Variants in RIMS1 observed in about 807,000 individuals in gnomAD.
The protein encoded by RIMS1 is regulating synaptic membrane exocytosis 1.
Under a neutral mutation model 214.1 loss-of-function variants are expected in RIMS1, and 83 were observed. That is an observed-to-expected ratio of 0.39 (90% CI 0.32 to 0.47). The LOEUF (loss-of-function observed/expected upper bound fraction) is 0.47, where lower values mean the gene tolerates loss of function less well. Ranked by LOEUF, RIMS1 falls within the 20% of genes least tolerant of loss-of-function variation. The probability of loss-of-function intolerance (pLI) is 0.99; values close to 1 mark genes in which losing one functional copy is unlikely to be tolerated. For missense variants in RIMS1, 2,050 were observed against 2,161.8 expected (o/e 0.95, Z 1.03); for synonymous variants, 793 against 786.8 (o/e 1.01, Z -0.13).
intron 12 of RIMS1, among the ~76,000 whole-genome samples, 171 bp from the exon 13 acceptor site, chr6:72,250,159 T>G (rs1314343926): frequency 2.6e-5 from 4 of 152,198 alleles, no homozygotes; most frequent in Non-Finnish European, 5.9e-5. Context: ...AAGAGAAAAG[T>G]AAAGTTCTGT....
At chr6:72,347,025 G>A (rs1389761080) in intron 29 of RIMS1, among the ~76,000 whole-genome samples, 1 of 151,768 alleles carries the variant, frequency 6.6e-6, no homozygotes, top group Non-Finnish European at 1.5e-5. Context: ...TCAGAGTCAG[G>A]AGTTAATTTA....
chr6:72,263,283 CGTGT>C, intron 19 of RIMS1: 1 of 985,002 alleles, frequency 1.0e-6, no homozygotes, highest in Non-Finnish European at 1.2e-6. Context: ...TTTAGTAAAA[CGTGT>C]CTCGAGGAAG....
intron 2 of RIMS1, among the ~76,000 whole-genome samples, chr6:72,094,517 A>C (rs1452013442): frequency 6.6e-6 from 1 of 152,216 alleles, no homozygotes; most frequent in East Asian, 1.9e-4. Context: ...CTTAGCATAA[A>C]GCACGTACTA....
intron 28 of RIMS1, among the ~76,000 whole-genome samples, chr6:72,327,633 CA>C (rs1172898725): frequency 6.6e-5 from 10 of 151,768 alleles, no homozygotes; most frequent in Admixed American, 5.3e-4. Flanking sequence ...TCCCCATCAG[CA>C]ATGTTGACGG....
chr6:72,400,471 A>G, intron 33 of RIMS1, 25 bp from the exon 34 acceptor site: 1 of 1,589,786 alleles, frequency 6.3e-7, no homozygotes, highest in Admixed American at 1.7e-5. Flanking sequence ...AGTCCAGGTA[A>G]TGTTGCATTT....
intron 29 of RIMS1, among the ~76,000 whole-genome samples, chr6:72,369,870 AG>A (rs2098161288): frequency 6.6e-6 from 1 of 152,210 alleles, no homozygotes; most frequent in Non-Finnish European, 1.5e-5. Flanking sequence ...AACTCATGAA[AG>A]CTATGGAGAT....
intron 1 of RIMS1, among the ~76,000 whole-genome samples, chr6:71,924,630 C>CAAAAAAAAAA (rs1250868988): frequency 2.6e-5 from 2 of 76,230 alleles, no homozygotes; most frequent in African/African-American, 1.1e-4. Context: ...CCCATCTCTG[C>CAAAAAAAAAA]AAAAAAAAAA....
intron 6 of RIMS1, among the ~76,000 whole-genome samples, chr6:72,223,448 C>A (rs2059163890): frequency 6.6e-6 from 1 of 151,990 alleles, no homozygotes; most frequent in Admixed American, 6.6e-5. Context: ...ATGTTAATAT[C>A]ATTTTAAAGC....
intron 1 of RIMS1, among the ~76,000 whole-genome samples, chr6:71,904,961 A>G (rs1176532535): frequency 6.6e-6 from 1 of 152,138 alleles, no homozygotes; most frequent in Non-Finnish European, 1.5e-5. Context: ...ATTTCATTTC[A>G]CTAATTTTTT....
At chr6:72,261,493 TA>T in intron 19 of RIMS1, 37 of 950,372 alleles carry the variant, frequency 3.9e-5, no homozygotes, top group Non-Finnish European at 4.4e-5. Flanking sequence ...CATATCCAAG[TA>T]AAACTTCTTA....
At chr6:72,264,923 G>T in intron 19 of RIMS1, 52 bp from the exon 20 acceptor site, 1 of 1,092,178 alleles carries the variant, frequency 9.2e-7, no homozygotes, top group Non-Finnish European at 1.4e-6. Flanking sequence ...TAATAAAATT[G>T]GTTTCATATA....
rs1283094991 is a variant in RIMS1 at position 72,131,052 on chromosome 6, A to G, written c.471+31066A>G. On this transcript the variant is annotated intron_variant, in intron 4 of 33. Coordinates refer to ENST00000521978, the MANE Select transcript of RIMS1 (RefSeq NM_014989.7). ...TTTCCCAGGCATTGATTAATTTCCTATGGTGTTCTTAATATATCTTTTTGA... is the reference window on the plus strand; with the variant it reads ...TTTCCCAGGCATTGATTAATTTCCTGTGGTGTTCTTAATATATCTTTTTGA... Among the ~76,000 whole-genome samples, 4 of 152,310 alleles carry G rather than the reference A, an allele frequency of 2.6e-5. 1 individual carries two copies. In the South Asian group the frequency reaches 6.2e-4, roughly 24 times the overall value.
At chr6:72,272,955 TTAAA>T (rs1220251191) in intron 22 of RIMS1, among the ~76,000 whole-genome samples, 4 of 152,166 alleles carry the variant, frequency 2.6e-5, no homozygotes, top group African/African-American at 4.8e-5. Context: ...TTTTTAAAAA[TTAAA>T]TAAAGTTAAT....
intron 2 of RIMS1, among the ~76,000 whole-genome samples, chr6:71,998,412 T>A (rs887745358): frequency 1.3e-5 from 2 of 152,144 alleles, no homozygotes; most frequent in African/African-American, 2.4e-5. Flanking sequence ...TGCTGTGCTA[T>A]TATTCCTTAT....
intron 2 of RIMS1, among the ~76,000 whole-genome samples, chr6:72,022,143 T>C (rs1189836437): frequency 6.6e-6 from 1 of 152,156 alleles, no homozygotes; most frequent in East Asian, 1.9e-4. Context: ...AATAAAATGA[T>C]AATATTAGTG....
At chr6:72,009,327 G>A (rs142270779) in intron 2 of RIMS1, among the ~76,000 whole-genome samples, 17,233 of 152,216 alleles carry the variant, frequency 0.11, 1,182 homozygotes, top group South Asian at 0.18. Context: ...TTAAAGCAGT[G>A]TGTAGAGGGA....
intron 27 of RIMS1, among the ~76,000 whole-genome samples, chr6:72,311,862 T>C (rs2095529416): frequency 1.3e-5 from 2 of 152,064 alleles, no homozygotes; most frequent in African/African-American, 2.4e-5. Context: ...TCCCAGCTAC[T>C]TGGGAGGCTG....
intron 6 of RIMS1, among the ~76,000 whole-genome samples, chr6:72,222,966 T>G (rs1304340431): frequency 1.3e-5 from 2 of 152,212 alleles, no homozygotes; most frequent in Non-Finnish European, 2.9e-5. Context: ...TGTTTTTGTG[T>G]ATTTGTTTGT....
intron 29 of RIMS1, among the ~76,000 whole-genome samples, chr6:72,353,311 G>A (rs778707454): frequency 6.6e-6 from 1 of 152,106 alleles, no homozygotes; most frequent in Non-Finnish European, 1.5e-5. Context: ...CTAAAGTAAA[G>A]TCTGAAAATA....
Sources: gnomAD v4.1 joint callset for allele counts (sites outside exome capture counted in the v4.1 genomes callset) on GRCh38, gnomAD v4.1.1 for gene constraint, MANE v1.5 for transcripts, NCBI Gene and HGNC (gene_info 2026-07-23, HGNC 2026-07-21) for gene names.